The following ERG variants were observed in gnomAD, a reference collection of about 807,000 sequenced individuals.
ERG encodes the protein transcriptional regulator ERG.
In ERG, 9 loss-of-function variants were observed where a neutral mutation model predicts 55.3. The ratio of observed to expected loss-of-function variants is 0.16; its 90% CI spans 0.10 to 0.28. The LOEUF is 0.28. Ranked by LOEUF, ERG falls within the 10% of genes least tolerant of loss-of-function variation. The probability of loss-of-function intolerance (pLI) is 1.00; values close to 1 mark genes in which losing one functional copy is unlikely to be tolerated. For missense variants in ERG, 434 were observed against 631.6 expected, an observed-to-expected ratio of 0.69 and a Z score of 3.35; for synonymous variants, 223 against 237.3, an observed-to-expected ratio of 0.94 and a Z score of 0.55.
At chr21:38,451,870 A>T (rs1387111767) in intron 1 of ERG, among the ~76,000 whole-genome samples, 2 of 152,254 alleles carry the variant, frequency 1.3e-5, no homozygotes, top group Non-Finnish European at 2.9e-5. Context: ...TTTACAACAC[A>T]CAAAAAAGCG....
At chr21:38,370,481 G>A in the ERG span, among the ~76,000 whole-genome samples, 1 of 151,822 alleles carries the variant, frequency 6.6e-6, no homozygotes, top group Admixed American at 6.6e-5. Context: ...TTTATGTCTT[G>A]TTTTATAAAA....
chr21:38,556,533 A>G (rs1232650981), intron 2 of ERG, among the ~76,000 whole-genome samples: 1 of 152,112 alleles, frequency 6.6e-6, no homozygotes, highest in East Asian at 1.9e-4. Context: ...AGCCTTTCCA[A>G]TATCCCTTTT....
At chr21:38,442,782 A>C (rs1446034659) in intron 2 of ERG, among the ~76,000 whole-genome samples, 2 of 152,164 alleles carry the variant, frequency 1.3e-5, no homozygotes, top group Non-Finnish European at 2.9e-5. Context: ...CACTTCTCCC[A>C]CAAACAGAAT....
rs748796976 is a variant in ERG at position 38,498,429 on chromosome 21, G to A, written c.-49C>T. ...TTAATAAATGTTAATAATAATTATT[G>A]CTTCTCTCTGACCAGAAAGTAGTTT... On this transcript the variant is annotated 5_prime_UTR_variant, in exon 1 of 10. Coordinates refer to ENST00000288319, the MANE Select transcript of ERG (RefSeq NM_182918.4). The surrounding 1 kb of genome is among the most constrained non-coding windows in gnomAD (Gnocchi z 4.6). 3.1e-6 allele frequency: 5 copies of A among 1,592,938 alleles called. No homozygotes were observed. The highest frequency in any genetic ancestry group is 2.3e-5 in the East Asian group (1 of 44,332).
At chr21:38,603,070 C>T (rs1286011110) in intron 1 of ERG, among the ~76,000 whole-genome samples, 3 of 151,880 alleles carry the variant, frequency 2.0e-5, no homozygotes, top group African/African-American at 7.3e-5. Context: ...GTCCAGCCCC[C>T]AGGTACTATG....
intron 2 of ERG, among the ~76,000 whole-genome samples, chr21:38,436,368 C>T (rs1279426678): frequency 6.6e-6 from 1 of 152,116 alleles, no homozygotes; most frequent in African/African-American, 2.4e-5. Flanking sequence ...AAATGTGTAA[C>T]ATATACAAAA....
chr21:38,489,199 T>C (rs1459910879), intron 1 of ERG, among the ~76,000 whole-genome samples: 1 of 152,200 alleles, frequency 6.6e-6, no homozygotes, highest in African/African-American at 2.4e-5. Context: ...ACATGTGATC[T>C]AAAAAAAGAT....
intron 1 of ERG, among the ~76,000 whole-genome samples, chr21:38,469,147 A>G (rs957462920): frequency 7.9e-5 from 12 of 151,922 alleles, no homozygotes; most frequent in Non-Finnish European, 4.4e-5. Flanking sequence ...GCTTCTAAGA[A>G]GAATGGTTTC....
chr21:38,411,467 G>C (rs2032095), intron 3 of ERG, among the ~76,000 whole-genome samples: 152,284 of 152,284 alleles, frequency 1, 76,142 homozygotes, highest in Non-Finnish European at 1. Context: ...CACCACCATC[G>C]TGGCTAATTT....
chr21:38,568,277 G>T (rs753408383), intron 2 of ERG, among the ~76,000 whole-genome samples: 7 of 151,854 alleles, frequency 4.6e-5, no homozygotes, highest in Non-Finnish European at 8.8e-5. Flanking sequence ...TAATTAACAT[G>T]GTGTGCATAT....
At chr21:38,570,023 C>T (rs2059947856) in intron 2 of ERG, among the ~76,000 whole-genome samples, 1 of 152,064 alleles carries the variant, frequency 6.6e-6, no homozygotes, top group South Asian at 2.1e-4. Context: ...TCTGTTTTTG[C>T]TCATACATAC....
chr21:38,612,041 T>C (rs1039414017), intron 1 of ERG, among the ~76,000 whole-genome samples: 2 of 152,196 alleles, frequency 1.3e-5, no homozygotes, highest in Non-Finnish European at 2.9e-5. Flanking sequence ...GTCAGTTATA[T>C]GTGCTCTAGC....
chr21:38,640,519 C>T (rs1467925252), intron 1 of ERG, among the ~76,000 whole-genome samples: 1 of 152,158 alleles, frequency 6.6e-6, no homozygotes, highest in East Asian at 1.9e-4. Context: ...GGGGTGGTGT[C>T]TCCCACACTG....
At chr21:38,495,082 C>A (rs190280457) in intron 1 of ERG, among the ~76,000 whole-genome samples, 108 of 152,354 alleles carry the variant, frequency 7.1e-4, no homozygotes, top group Non-Finnish European at 1.0e-3. Flanking sequence ...TCGTATTTCA[C>A]TTAGCCAACA....
chr21:38,558,108 T>C (rs2059869484), intron 2 of ERG, among the ~76,000 whole-genome samples: 1 of 151,950 alleles, frequency 6.6e-6, no homozygotes, highest in Non-Finnish European at 1.5e-5. Flanking sequence ...AAAAAAGAGG[T>C]ACCAGACTAT....
chr21:38,506,484 T>C (rs910486738), intron 2 of ERG, among the ~76,000 whole-genome samples: 1 of 152,204 alleles, frequency 6.6e-6, no homozygotes, highest in Non-Finnish European at 1.5e-5. Flanking sequence ...GCATGGAGTA[T>C]AGCACTTCTA....
chr21:38,469,269 C>A (rs1569123614), intron 1 of ERG, among the ~76,000 whole-genome samples: 2 of 151,958 alleles, frequency 1.3e-5, no homozygotes, highest in Non-Finnish European at 2.9e-5. Context: ...ACGCACTTAG[C>A]AAACACTGAG....
chr21:38,604,557 A>C (rs989431769), intron 1 of ERG, among the ~76,000 whole-genome samples: 3 of 152,262 alleles, frequency 2.0e-5, no homozygotes, highest in Admixed American at 2.0e-4. Context: ...TTATTATAAC[A>C]GATTTATAAT....
chr21:38,402,763 C>T lies in ERG; in HGVS notation c.593-126G>A, dbSNP rs1022474821. Reference sequence around the variant, plus strand: ...AAAAGAAAGAAAGAAAACCGTTCCCCCACTCCCACACTAACATCATGGGAA... The same window carrying T: ...AAAAGAAAGAAAGAAAACCGTTCCCTCACTCCCACACTAACATCATGGGAA... On this transcript the variant is annotated intron_variant, in intron 4 of 9. Transcript: ENST00000288319. The T allele has an allele frequency of 2.7e-5, 18 of 666,618 alleles. No individual in the cohort carries two copies. In the Admixed American group the frequency reaches 5.3e-4, roughly 20 times the overall value. The allele number at this position is 666,618 out of a possible 1,614,324, so 41.3% of individuals were successfully genotyped here. A position where few individuals can be genotyped will look rare whatever the true frequency, so the allele number is the denominator to read the frequency against.
Sources: gnomAD v4.1 joint callset for allele counts (sites outside exome capture counted in the v4.1 genomes callset) on GRCh38, gnomAD v4.1.1 for gene constraint, Gnocchi (gnomAD v3.1) non-coding constraint, MANE v1.5 for transcripts, NCBI Gene and HGNC (gene_info 2026-07-23, HGNC 2026-07-21) for gene names.